Variants in DCDC1 observed in about 807,000 individuals in gnomAD.
DCDC1 encodes doublecortin domain-containing protein 1.
In DCDC1, 200 loss-of-function variants were observed where a neutral mutation model predicts 178.3. The ratio of observed to expected loss-of-function variants is 1.12; its 90% CI spans 1.00 to 1.26. DCDC1 has a LOEUF of 1.26. Ranked by LOEUF, DCDC1 falls within the 50% of genes most tolerant of loss-of-function variation. DCDC1 has a pLI of 0.00. For synonymous variants in DCDC1, 690 were observed against 604.8 expected (o/e 1.14, Z -2.07); for missense variants, 1,983 against 1,749.2 (o/e 1.13, Z -2.38).
chr11:31,026,910 C>A (rs1332014771), intron 20 of DCDC1, among the ~76,000 whole-genome samples: 4 of 151,696 alleles, frequency 2.6e-5, no homozygotes, highest in African/African-American at 9.7e-5. Flanking sequence ...AGCACAGCAA[C>A]CCTCTCTATG....
chr11:30,903,851 A>G (rs1944880827), intron 31 of DCDC1, 168 bp from the exon 32 acceptor site: 4 of 583,976 alleles, frequency 6.8e-6, no homozygotes, highest in Non-Finnish European at 1.1e-5. Context: ...TATTTTGGAT[A>G]TTAGATTGTC....
intron 1 of DCDC1, among the ~76,000 whole-genome samples, chr11:31,354,654 A>G (rs1371195496): frequency 6.6e-6 from 1 of 152,168 alleles, no homozygotes; most frequent in African/African-American, 2.4e-5. Flanking sequence ...AGTGTAGTCT[A>G]TTTCAATGTC....
At chr11:31,173,970 G>A (rs945557884) in intron 9 of DCDC1, among the ~76,000 whole-genome samples, 1 of 152,152 alleles carries the variant, frequency 6.6e-6, no homozygotes, top group Non-Finnish European at 1.5e-5. Context: ...GGCTGGGGTT[G>A]CCCACTCCAA....
At chr11:30,977,677 C>T (rs1950175308) in intron 20 of DCDC1, among the ~76,000 whole-genome samples, 1 of 152,106 alleles carries the variant, frequency 6.6e-6, no homozygotes, top group Admixed American at 6.6e-5. Flanking sequence ...CACCTGTAAT[C>T]CCAGCATTTT....
At chr11:30,961,774 T>A (rs548175779) in intron 20 of DCDC1, among the ~76,000 whole-genome samples, 1 of 152,100 alleles carries the variant, frequency 6.6e-6, no homozygotes, top group Admixed American at 6.6e-5. Context: ...GAAAAATAAA[T>A]ATATAGATTG....
chr11:31,020,792 T>A (rs1031690368), intron 20 of DCDC1, among the ~76,000 whole-genome samples: 1 of 152,130 alleles, frequency 6.6e-6, no homozygotes, highest in African/African-American at 2.4e-5. Flanking sequence ...AAAATCCAAG[T>A]AAACTTTTGC....
chr11:30,867,805 G>A (rs1192899111), intron 38 of DCDC1, among the ~76,000 whole-genome samples: 3 of 151,760 alleles, frequency 2.0e-5, no homozygotes, highest in African/African-American at 7.3e-5. Flanking sequence ...AAGAGAGAGA[G>A]AGGAAAAAAT....
At position 31,359,837 on chromosome 11, in the gene DCDC1, A is replaced by G. The variant is rs1951616643; in HGVS notation, c.-125+9860T>C. Among the ~76,000 whole-genome samples the G allele has an allele frequency of 2.6e-5, 4 of 152,306 alleles. No individual in the cohort carries two copies. In the South Asian group the frequency reaches 8.3e-4, roughly 32 times the overall value. ...TCTAAAATTTTAGTCATTTAATAGA[A>G]GAGCTTTTACATATAAGAGCTAAGG... On this transcript the variant is annotated intron_variant, in intron 1 of 38. Coordinates refer to ENST00000684477, the MANE Select transcript of DCDC1 (RefSeq NM_001387274.1).
At chr11:31,182,238 G>A (rs1968899533) in intron 9 of DCDC1, among the ~76,000 whole-genome samples, 1 of 152,158 alleles carries the variant, frequency 6.6e-6, no homozygotes, top group South Asian at 2.1e-4. Flanking sequence ...AGGAAATACA[G>A]AGAACACCAC....
rs78475738 is a variant in DCDC1, at chr11:30,963,161, G to T, written c.2592-10593C>A. Reference sequence around the variant, plus strand: ...ACTTGCTGTCTCTCCCCAGCACCACGCTAGGCATTACAAGGAATACAAAAG... The same window carrying T: ...ACTTGCTGTCTCTCCCCAGCACCACTCTAGGCATTACAAGGAATACAAAAG... On this transcript the variant is annotated intron_variant, in intron 20 of 38. Coordinates refer to ENST00000684477, the MANE Select transcript of DCDC1 (RefSeq NM_001387274.1). 4.6e-3 allele frequency among the ~76,000 whole-genome samples: 705 copies of T among 152,164 alleles called. 2 individuals carry two copies. Among genetic ancestry groups the T allele is most frequent in the African/African-American group, 0.016 (679 of 41,514 alleles).
At chr11:31,115,964 G>A (rs1168789142) in intron 11 of DCDC1, among the ~76,000 whole-genome samples, 2 of 130,704 alleles carry the variant, frequency 1.5e-5, no homozygotes, top group Non-Finnish European at 3.1e-5. Flanking sequence ...TATCTAAGAA[G>A]GATATAGCTG....
At chr11:30,994,362 ACT>A (rs1184226649) in intron 20 of DCDC1, among the ~76,000 whole-genome samples, 7 of 151,524 alleles carry the variant, frequency 4.6e-5, no homozygotes, top group African/African-American at 1.7e-4. Flanking sequence ...CACAATCTCC[ACT>A]CACTGCAACC....
chr11:30,954,275 A>G (rs1948635029), intron 20 of DCDC1, among the ~76,000 whole-genome samples: 1 of 152,004 alleles, frequency 6.6e-6, no homozygotes, highest in African/African-American at 2.4e-5. Context: ...TCGGCCTCCC[A>G]AAGTGCTGGG....
intron 16 of DCDC1, among the ~76,000 whole-genome samples, chr11:31,091,806 A>G (rs766260493): frequency 3.9e-5 from 6 of 152,146 alleles, no homozygotes; most frequent in Non-Finnish European, 5.9e-5. Flanking sequence ...TTTGGGGTCC[A>G]TCACGTGTCA....
At position 30,878,608 on chromosome 11, in the gene DCDC1, C is replaced by G. The variant is rs1470119238; in HGVS notation, c.5337G>C (p.Leu1779=). ...DIVVSPSTKL[L]SLAHLHN ...GTTAATTGTGGAGATGTGCCAGAGA[C>G]AGCAGCTTCGTGGATGGTGACACCA... Residue 1779 remains leucine, a synonymous_variant, in exon 38 of 39, where the codon CTG becomes CTC. Transcript: ENST00000684477. 1.2e-6 allele frequency: 2 copies of G among 1,607,128 alleles called. No homozygotes were observed. Among genetic ancestry groups the G allele is most frequent in the South Asian group, 1.1e-5 (1 of 89,784 alleles).
At chr11:31,098,092 T>C (rs1958267284) in intron 15 of DCDC1, among the ~76,000 whole-genome samples, 1 of 152,206 alleles carries the variant, frequency 6.6e-6, no homozygotes, top group South Asian at 2.1e-4. Context: ...AGGCTAGAAT[T>C]AAAATAAGTT....
chr11:30,906,829 A>AATGCTAAATTTAAATTTT (rs1461488504), intron 29 of DCDC1, 104 bp from the exon 30 acceptor site: 4 of 999,440 alleles, frequency 4.0e-6, no homozygotes, highest in Non-Finnish European at 2.7e-6. Context: ...AACACCCCAA[A>AATGCTAAATTTAAATTTT]ATGCTAAATT....
intron 18 of DCDC1, among the ~76,000 whole-genome samples, chr11:31,068,318 T>A (rs1403451115): frequency 6.6e-6 from 1 of 152,188 alleles, no homozygotes; most frequent in Non-Finnish European, 1.5e-5. Context: ...CAAATCAGTG[T>A]AATTGGAATA....
At chr11:30,921,226 T>A (rs1010476727) in intron 24 of DCDC1, among the ~76,000 whole-genome samples, 1 of 152,196 alleles carries the variant, frequency 6.6e-6, no homozygotes, top group African/African-American at 2.4e-5. Flanking sequence ...TCTAGATCAT[T>A]CTCTGGGATC....
Sources: gnomAD v4.1 joint callset for allele counts (sites outside exome capture counted in the v4.1 genomes callset) on GRCh38, gnomAD v4.1.1 for gene constraint, MANE v1.5 for transcripts, NCBI Gene and HGNC (gene_info 2026-07-23, HGNC 2026-07-21) for gene names.